The following OR51B5 variants were observed in gnomAD, a reference collection of about 807,000 sequenced individuals.
OR51B5 encodes the protein olfactory receptor 51B5.
For missense variants in OR51B5, 456 were observed against 374.6 expected (o/e 1.22, Z -1.79); for synonymous variants, 186 against 144.8 (o/e 1.28, Z -2.04).
chr11:5,344,065 C>G (rs991470929), upstream of OR51B5, among the ~76,000 whole-genome samples: 1 of 152,226 alleles, frequency 6.6e-6, no homozygotes. Context: ...GCCACTACCA[C>G]TGTAGCTAAG....
chr11:5,380,287 A>T (rs1849590715), intron 1 of OR51B5, among the ~76,000 whole-genome samples: 1 of 152,164 alleles, frequency 6.6e-6, no homozygotes, highest in African/African-American at 2.4e-5. Context: ...GTGTCCAGGG[A>T]GGCAGGGGGA....
chr11:5,342,785 A>AGGACACAGCAGATATGGG (rs1564911719), exon 1 of OR51B5: 1 of 1,613,678 alleles, frequency 6.2e-7, no homozygotes, highest in Non-Finnish European at 8.5e-7. Context: ...ATAAAAAACC[A>AGGACACAGCAGATATGGG]GGACACAGCA....
At chr11:5,405,562 G>T (rs562996566) in intron 1 of OR51B5, among the ~76,000 whole-genome samples, 1 of 151,846 alleles carries the variant, frequency 6.6e-6, no homozygotes, top group African/African-American at 2.4e-5. Context: ...TATCTCTGCT[G>T]TACATTTCAC....
chr11:5,349,701 A>G (rs1164567175), intron 1 of OR51B5, among the ~76,000 whole-genome samples: 2 of 152,192 alleles, frequency 1.3e-5, no homozygotes, highest in African/African-American at 4.8e-5. Context: ...TTAATCCTGC[A>G]TAAGCTGAGT....
At chr11:5,391,742 T>A (rs527664695) in intron 1 of OR51B5, 1 of 147,318 alleles carries the variant, frequency 6.8e-6, no homozygotes, top group Non-Finnish European at 1.5e-5. Flanking sequence ...AAAATTACCA[T>A]GAGGCCAGGC....
rs1479390914 is a variant in OR51B5 at position 5,501,000 on chromosome 11, G to C, written n.84+4569C>G. ...CCTTGATTGGCAAACTTGTCTGAATGGGAAGAAGTTATAATGAATCATAAA... is the reference window on the plus strand; with the variant it reads ...CCTTGATTGGCAAACTTGTCTGAATCGGAAGAAGTTATAATGAATCATAAA... On this transcript the variant is annotated intron_variant and non_coding_transcript_variant, in intron 1 of 4. Coordinates refer to the OR51B5 transcript ENST00000415970. 9.4e-5 allele frequency among the ~76,000 whole-genome samples: 14 copies of C among 148,266 alleles called. 2 individuals are homozygous for C. The highest frequency in any genetic ancestry group is 7.3e-5 in the African/African-American group (3 of 41,190).
At chr11:5,440,240 C>A (rs1351092006) in intron 1 of OR51B5, among the ~76,000 whole-genome samples, 1 of 152,160 alleles carries the variant, frequency 6.6e-6, no homozygotes, top group African/African-American at 2.4e-5. Context: ...GTTTGCCCTG[C>A]TGAACTTCAT....
intron 1 of OR51B5, chr11:5,389,860 C>G (rs1471246090): frequency 6.2e-7 from 1 of 1,613,724 alleles, no homozygotes; most frequent in Admixed American, 1.7e-5. Context: ...AGCAAGTGGT[C>G]AGAGCAGGCC....
At chr11:5,353,013 T>A (rs1849126589) in intron 1 of OR51B5, among the ~76,000 whole-genome samples, 1 of 151,508 alleles carries the variant, frequency 6.6e-6, no homozygotes, top group African/African-American at 2.4e-5. Flanking sequence ...AGTCCTGTTA[T>A]ACATAGGAAT....
intron 1 of OR51B5, among the ~76,000 whole-genome samples, chr11:5,374,786 A>C (rs993098651): frequency 1.3e-5 from 2 of 152,130 alleles, no homozygotes; most frequent in Non-Finnish European, 2.9e-5. Flanking sequence ...TTAGAGAAAA[A>C]AGAATAAAAA....
chr11:5,403,230 G>T (rs754544315), intron 1 of OR51B5: 1 of 471,384 alleles, frequency 2.1e-6, no homozygotes, highest in Non-Finnish European at 4.4e-6. Flanking sequence ...TTTTGGGCTG[G>T]ATTCGTTGCT....
intron 1 of OR51B5, among the ~76,000 whole-genome samples, chr11:5,414,631 T>A (rs2133753647): frequency 6.6e-6 from 1 of 151,902 alleles, no homozygotes; most frequent in East Asian, 1.9e-4. Context: ...GGGGTTGCAA[T>A]CCTAGTCTCT....
At chr11:5,404,179 G>T (rs544245802) in intron 1 of OR51B5, among the ~76,000 whole-genome samples, 4 of 105,792 alleles carry the variant, frequency 3.8e-5, no homozygotes, top group East Asian at 2.6e-4. Flanking sequence ...CGGGGAGGGC[G>T]GGGGGCGGAA....
intron 1 of OR51B5, among the ~76,000 whole-genome samples, chr11:5,426,810 A>T (rs1850457282): frequency 6.6e-6 from 1 of 152,136 alleles, no homozygotes; most frequent in Admixed American, 6.6e-5. Context: ...GTACCTCCAG[A>T]AAAAAATGCA....
intron 1 of OR51B5, among the ~76,000 whole-genome samples, chr11:5,381,174 T>TCACACACACA (rs1554885859): frequency 4.0e-5 from 6 of 148,312 alleles, no homozygotes; most frequent in African/African-American, 1.5e-4. Flanking sequence ...TCTCTCTCTC[T>TCACACACACA]CACACACACA....
chr11:5,409,239 G>C (rs1038178855), intron 1 of OR51B5, among the ~76,000 whole-genome samples: 3 of 152,132 alleles, frequency 2.0e-5, no homozygotes, highest in Non-Finnish European at 4.4e-5. Context: ...GAACCTTGGA[G>C]AGGTAAACTG....
intron 1 of OR51B5, among the ~76,000 whole-genome samples, chr11:5,399,989 C>T (rs1278730989): frequency 6.6e-6 from 1 of 152,100 alleles, no homozygotes. Flanking sequence ...AATCCAGAGG[C>T]AGATCAATAT....
At position 5,403,362 on chromosome 11, in the gene OR51B5, C is replaced by T. The variant is rs191728325; in HGVS notation, n.85-56452G>A. ...CTGTGCTGTGCTTGCTTACTATGTGCCTATGATTGGCTTGTCTATAGTGCA... is the reference window on the plus strand; with the variant it reads ...CTGTGCTGTGCTTGCTTACTATGTGTCTATGATTGGCTTGTCTATAGTGCA... On this transcript the variant is annotated intron_variant and non_coding_transcript_variant, in intron 1 of 4. Transcript: ENST00000415970. The T allele has an allele frequency of 9.5e-4, 449 of 471,510 alleles. 2 individuals carry two copies. Among genetic ancestry groups the T allele is most frequent in the African/African-American group, 8.2e-3 (409 of 50,182 alleles). The allele number at this position is 471,510 out of a possible 1,614,324, so 29.2% of individuals were successfully genotyped here.
Position 5,382,056 on chromosome 11 carries a change from A to T in OR51B5, n.85-35146T>A, listed in dbSNP as rs865938297. Among the ~76,000 whole-genome samples, 25 of 152,328 alleles carry T rather than the reference A, an allele frequency of 1.6e-4. 1 individual carries two copies. The highest frequency in any genetic ancestry group is 1.4e-3 in the South Asian group (7 of 4,828). On this transcript the variant is annotated intron_variant and non_coding_transcript_variant, in intron 1 of 4. Transcript: ENST00000415970. ...GCATATTGTTAACAATGTACTCTGG[A>T]AAATATGATTGTTATCTCCTGCCTT...
Sources: gnomAD v4.1 joint callset for allele counts (sites outside exome capture counted in the v4.1 genomes callset) on GRCh38, gnomAD v4.1.1 for gene constraint, MANE v1.5 for transcripts, NCBI Gene and HGNC (gene_info 2026-07-23, HGNC 2026-07-21) for gene names.